Variants in FTCDNL1 observed in about 807,000 individuals in gnomAD.
FTCDNL1 encodes the protein formiminotransferase cyclodeaminase N-terminal like.
A neutral mutation model predicts 5.9 loss-of-function variants in FTCDNL1; 11 were observed. The observed-to-expected ratio is 1.87, with a 90% CI of 1.18 to 3.10. The LOEUF is 3.10. FTCDNL1 is among the 30% of genes most tolerant of loss of function. The probability of loss-of-function intolerance (pLI) is 0.00; values close to 1 mark genes in which losing one functional copy is unlikely to be tolerated. For synonymous variants in FTCDNL1, 58 were observed against 24.8 expected, an observed-to-expected ratio of 2.34 and a Z score of -3.99; for missense variants, 115 against 65.5, an observed-to-expected ratio of 1.76 and a Z score of -2.61.
rs2076869687 is a variant in FTCDNL1 at position 199,851,187 on chromosome 2, G to C, written c.-455C>G. On this transcript the variant is annotated 5_prime_UTR_variant, in exon 1 of 5. Coordinates refer to ENST00000420128, the MANE Select transcript of FTCDNL1 (RefSeq NM_001363886.2). ...TGGCCCGCGCGCAGCGTCTGCCGCC[G>C]GCTCCGCCTCCCGGACGCCCGGAGC... The C allele has an allele frequency of 6.7e-6, 1 of 149,646 alleles. No homozygotes were observed. The highest frequency in any genetic ancestry group is 6.7e-5 in the Admixed American group (1 of 15,010). The allele number at this position is 149,646 out of a possible 1,614,324, so 9.3% of individuals were successfully genotyped here.
chr2:199,728,490 C>T, the FTCDNL1 span, among the ~76,000 whole-genome samples: 2 of 152,178 alleles, frequency 1.3e-5, no homozygotes, highest in East Asian at 1.9e-4. Flanking sequence ...CCTCGTGATC[C>T]GCCCACCTCA....
rs907801108 is a variant in FTCDNL1 at position 199,810,152 on chromosome 2, A to T, written c.*2553T>A. Among the ~76,000 whole-genome samples, 7 of 152,118 alleles carry T rather than the reference A, an allele frequency of 4.6e-5. No individual in the cohort carries two copies. Among genetic ancestry groups the T allele is most frequent in the Non-Finnish European group, 7.4e-5 (5 of 68,012 alleles). Reference sequence around the variant, plus strand: ...AGGCCTTAGACCTTCATTCATTTCCAAGGCCATCTCCATGGGGGCTTGAAT... The same window carrying T: ...AGGCCTTAGACCTTCATTCATTTCCTAGGCCATCTCCATGGGGGCTTGAAT... On this transcript the variant is annotated 3_prime_UTR_variant, in exon 5 of 5. Transcript: ENST00000420128.
chr2:199,721,842 A>T, the FTCDNL1 span, among the ~76,000 whole-genome samples: 2 of 152,108 alleles, frequency 1.3e-5, no homozygotes, highest in Non-Finnish European at 2.9e-5. Flanking sequence ...ATGGTATCTC[A>T]TTGTGGTTTT....
At chr2:199,839,533 T>C (rs1311673578) in intron 3 of FTCDNL1, among the ~76,000 whole-genome samples, 1 of 152,166 alleles carries the variant, frequency 6.6e-6, no homozygotes, top group Non-Finnish European at 1.5e-5. Flanking sequence ...ATCAATGGAA[T>C]AATTCAAAAG....
At chr2:199,668,562 T>C in the FTCDNL1 span, among the ~76,000 whole-genome samples, 1 of 152,014 alleles carries the variant, frequency 6.6e-6, no homozygotes, top group South Asian at 2.1e-4. Context: ...TGTATTCAAG[T>C]TTTCAGTTGA....
the FTCDNL1 span, among the ~76,000 whole-genome samples, chr2:199,750,217 C>T: frequency 1.3e-5 from 2 of 151,550 alleles, no homozygotes; most frequent in Non-Finnish European, 2.9e-5. Flanking sequence ...ATTAGCCGAG[C>T]TTGGTGGTAT....
the FTCDNL1 span, among the ~76,000 whole-genome samples, chr2:199,665,908 C>T: frequency 2.0e-5 from 3 of 151,872 alleles, no homozygotes; most frequent in Admixed American, 6.6e-5. Flanking sequence ...TGTTTTGTAG[C>T]AGTAATTACC....
At chr2:199,804,971 G>A (rs1425461399), downstream of FTCDNL1, among the ~76,000 whole-genome samples, 2 of 152,226 alleles carry the variant, frequency 1.3e-5, no homozygotes, top group African/African-American at 2.4e-5. Context: ...GAAGCTGAAA[G>A]GAGAGGCCCT....
At chr2:199,830,343 T>A (rs1702289136) in intron 3 of FTCDNL1, among the ~76,000 whole-genome samples, 1 of 152,162 alleles carries the variant, frequency 6.6e-6, no homozygotes, top group African/African-American at 2.4e-5. Context: ...AAATACAGTA[T>A]AGCAGTGTGA....
the FTCDNL1 span, among the ~76,000 whole-genome samples, chr2:199,714,064 G>A: frequency 5.9e-5 from 9 of 152,184 alleles, no homozygotes; most frequent in Non-Finnish European, 1.2e-4. Context: ...ATAGAGCCAC[G>A]CTTTCAAAAG....
intron 4 of FTCDNL1, among the ~76,000 whole-genome samples, chr2:199,815,474 T>C (rs1023913867): frequency 6.6e-6 from 1 of 152,020 alleles, no homozygotes; most frequent in Non-Finnish European, 1.5e-5. Flanking sequence ...AACATAAACA[T>C]AGCAACAATG....
rs1181375031 is a variant in FTCDNL1 at position 199,819,599 on chromosome 2, C to A, written c.370G>T (p.Ala124Ser). 1 of 701,846 alleles carries A rather than the reference C, an allele frequency of 1.4e-6. No homozygotes were observed. Among genetic ancestry groups the A allele is most frequent in the African/African-American group, 1.7e-5 (1 of 57,176 alleles). The allele number at this position is 701,846 out of a possible 1,614,324, so 43.5% of individuals were successfully genotyped here. A position where few individuals can be genotyped will look rare whatever the true frequency, so the allele number is the denominator to read the frequency against. ...FSALQPDLGA[A>S]PSQRCGLTAC... ...GTTAAACCACATCTTTGGGAAGGGG[C>A]AGCTCCCAGGTCAGGCTGAAGAGCA... Residue 124 changes from alanine (A) to serine (S), a missense_variant, in exon 4 of 5, where the codon GCC becomes TCC. Coordinates refer to ENST00000420128, the MANE Select transcript of FTCDNL1 (RefSeq NM_001363886.2).
At chr2:199,798,770 G>A (rs1361650532) in intron 3 of FTCDNL1, among the ~76,000 whole-genome samples, 1 of 152,212 alleles carries the variant, frequency 6.6e-6, no homozygotes, top group Non-Finnish European at 1.5e-5. Flanking sequence ...CTTATGGATT[G>A]CTTACACGTC....
At chr2:199,745,211 T>C in the FTCDNL1 span, among the ~76,000 whole-genome samples, 542 of 152,356 alleles carry the variant, frequency 3.6e-3, 4 homozygotes, top group African/African-American at 0.012. Context: ...TAACGCCTAT[T>C]ACATGCTGGA....
At chr2:199,817,571 G>A (rs1396207698) in intron 4 of FTCDNL1, among the ~76,000 whole-genome samples, 2 of 152,046 alleles carry the variant, frequency 1.3e-5, no homozygotes, top group Admixed American at 6.6e-5. Flanking sequence ...TAGATGGCCT[G>A]AGTCCAAGAG....
intron 3 of FTCDNL1, among the ~76,000 whole-genome samples, chr2:199,784,911 C>T (rs1699557022): frequency 6.6e-6 from 1 of 152,172 alleles, no homozygotes; most frequent in Non-Finnish European, 1.5e-5. Context: ...GATTTGTAGA[C>T]TGAGAACACT....
the FTCDNL1 span, among the ~76,000 whole-genome samples, chr2:199,702,889 C>T: frequency 1.3e-5 from 2 of 152,004 alleles, no homozygotes; most frequent in Non-Finnish European, 2.9e-5. Context: ...GCAGATGGAA[C>T]GACCCTGAGG....
At chr2:199,813,922 A>AAT (rs1701191101) in intron 4 of FTCDNL1, among the ~76,000 whole-genome samples, 1 of 21,602 alleles carries the variant, frequency 4.6e-5, no homozygotes, top group Non-Finnish European at 1.1e-4. Context: ...CAAAAAAAAA[A>AAT]AAAAAAAAAA....
the FTCDNL1 span, among the ~76,000 whole-genome samples, chr2:199,753,290 G>A: frequency 6.6e-6 from 1 of 152,160 alleles, no homozygotes; most frequent in African/African-American, 2.4e-5. Flanking sequence ...AGCTGCAGGA[G>A]AGCATTTCAG....
Sources: allele counts gnomAD v4.1 joint callset (sites outside exome capture counted in the v4.1 genomes callset), GRCh38; gene constraint gnomAD v4.1.1; transcripts MANE v1.5; gene names NCBI Gene and HGNC (gene_info 2026-07-23, HGNC 2026-07-21).